The following RMND5A variants were observed in gnomAD, a reference collection of about 807,000 sequenced individuals.
RMND5A encodes the protein required for meiotic nuclear division 5 homolog A, also known as E3 ubiquitin-protein transferase RMND5A.
Under a neutral mutation model 49.7 loss-of-function variants are expected in RMND5A, and 17 were observed. The observed-to-expected ratio is 0.34, with a 90% CI of 0.23 to 0.51. The LOEUF is 0.51. Among genes scored for constraint, RMND5A ranks in the 20% least tolerant of loss-of-function variants. The pLI is 0.96. For missense variants in RMND5A, 255 were observed against 471.3 expected, an observed-to-expected ratio of 0.54 and a Z score of 4.25; for synonymous variants, 156 against 167.7, an observed-to-expected ratio of 0.93 and a Z score of 0.54.
At chr2:86,747,955 T>C (rs760772505) in intron 2 of RMND5A, among the ~76,000 whole-genome samples, 1 of 152,238 alleles carries the variant, frequency 6.6e-6, no homozygotes, top group Non-Finnish European at 1.5e-5. Flanking sequence ...CACCCTTGGA[T>C]GTGTGCTTTT....
chr2:86,725,212 C>T (rs982319485), intron 1 of RMND5A, among the ~76,000 whole-genome samples: 1 of 130,480 alleles, frequency 7.7e-6, no homozygotes, highest in Non-Finnish European at 1.6e-5. Context: ...TTTAGTAAGT[C>T]ATACATTCAA....
Position 86,765,188 on chromosome 2 carries a change from A to T in RMND5A, c.683A>T (p.Gln228Leu). 1 of 1,596,466 alleles carries T rather than the reference A, an allele frequency of 6.3e-7. No individual in the cohort carries two copies. Among genetic ancestry groups the T allele is most frequent in the Non-Finnish European group, 8.5e-7 (1 of 1,174,764 alleles). ...TTTCAGCCATTTGCCCTAAATCATC[A>T]AAAAGGTGAGTCTAGAGTCAGATGT... Reference protein sequence around the residue: ...KNFQPFALNHQKDIQVLMGSL... With the variant: ...KNFQPFALNHLKDIQVLMGSL... Residue 228 changes from glutamine (Q) to leucine (L), a missense_variant, in exon 5 of 9, where the codon CAA becomes CTA. Around this residue, in one of 3 missense-constraint regions of RMND5A, gnomAD observed 208 missense variants for 339.8 expected, o/e 0.61. Coordinates refer to ENST00000283632, the MANE Select transcript of RMND5A (RefSeq NM_022780.4).
At chr2:86,755,128 T>TC (rs1322290571) in intron 4 of RMND5A, among the ~76,000 whole-genome samples, 72 of 151,038 alleles carry the variant, frequency 4.8e-4, no homozygotes, top group African/African-American at 1.3e-3. Flanking sequence ...TTTTTTTTTT[T>TC]CCCAAAGAGA....
At chr2:86,725,316 A>C (rs1681272657) in intron 1 of RMND5A, among the ~76,000 whole-genome samples, 1 of 148,610 alleles carries the variant, frequency 6.7e-6, no homozygotes, top group Admixed American at 6.7e-5. Flanking sequence ...CCCATTGAAA[A>C]ATCTTTCTAC....
intron 4 of RMND5A, among the ~76,000 whole-genome samples, chr2:86,758,632 C>T (rs1681789371): frequency 6.6e-6 from 1 of 152,108 alleles, no homozygotes; most frequent in Admixed American, 6.6e-5. Flanking sequence ...TAAATAGAGT[C>T]AGATATGCAA....
chr2:86,729,010 T>G (rs1421160437), intron 1 of RMND5A, among the ~76,000 whole-genome samples: 6 of 152,086 alleles, frequency 3.9e-5, no homozygotes, highest in Non-Finnish European at 8.8e-5. Flanking sequence ...CGCCTTGGCC[T>G]CCCAAAGTGC....
chr2:86,746,712 T>C (rs1316926190), intron 2 of RMND5A, among the ~76,000 whole-genome samples: 1 of 152,194 alleles, frequency 6.6e-6, no homozygotes, highest in Middle Eastern at 3.2e-3. Flanking sequence ...GAGATACATA[T>C]CATCCTTGGA....
rs1271010033 is a variant in RMND5A, at chr2:86,775,994, A to G, written c.*2583A>G. ...TACAAAAGATAATATGATAGAGGCAACGTTTATAACAGTCACATTTAATTA... is the reference window on the plus strand; with the variant it reads ...TACAAAAGATAATATGATAGAGGCAGCGTTTATAACAGTCACATTTAATTA... On this transcript the variant is annotated 3_prime_UTR_variant, in exon 9 of 9. Coordinates refer to ENST00000283632, the MANE Select transcript of RMND5A (RefSeq NM_022780.4). The G allele has an allele frequency of 5.3e-5, 8 of 152,246 alleles. No homozygotes were observed. The highest frequency in any genetic ancestry group is 8.8e-5 in the Non-Finnish European group (6 of 68,040). The allele number at this position is 152,246 out of a possible 1,614,324, so 9.4% of individuals were successfully genotyped here.
intron 4 of RMND5A, among the ~76,000 whole-genome samples, chr2:86,755,484 T>A (rs1249112751): frequency 2.0e-5 from 3 of 152,234 alleles, no homozygotes; most frequent in Non-Finnish European, 4.4e-5. Context: ...GATTAGCAAA[T>A]AATATTTGGG....
At chr2:86,765,273 C>G in intron 5 of RMND5A, 80 bp downstream of exon 5, 12 of 1,208,294 alleles carry the variant, frequency 9.9e-6, no homozygotes, top group Non-Finnish European at 1.4e-5. Context: ...TTAACTAGAG[C>G]TAATACCTGT....
intron 4 of RMND5A, among the ~76,000 whole-genome samples, chr2:86,760,836 G>A (rs760858734): frequency 3.9e-5 from 6 of 152,150 alleles, no homozygotes; most frequent in Non-Finnish European, 7.3e-5. Context: ...AAGCATATTG[G>A]AAAAGTCCTG....
intron 4 of RMND5A, among the ~76,000 whole-genome samples, chr2:86,755,029 C>G (rs1681706953): frequency 6.6e-6 from 1 of 152,016 alleles, no homozygotes; most frequent in Non-Finnish European, 1.5e-5. Context: ...TTTGTTTAAG[C>G]AAATTTCAGA....
chr2:86,759,646 C>T (rs1015030897), intron 4 of RMND5A, among the ~76,000 whole-genome samples: 1 of 118,364 alleles, frequency 8.4e-6, no homozygotes, highest in African/African-American at 2.7e-5. Context: ...ACTAAAAATA[C>T]AAAATTTGCC....
intron 6 of RMND5A, 58 bp downstream of exon 6, chr2:86,766,082 A>G (rs1025945356): frequency 1.4e-6 from 2 of 1,437,514 alleles, no homozygotes; most frequent in Non-Finnish European, 1.9e-6. Flanking sequence ...ACCTTCCCTT[A>G]ACTTGTTTGG....
chr2:86,743,165 A>G (rs1573432746), intron 2 of RMND5A, among the ~76,000 whole-genome samples: 1 of 152,138 alleles, frequency 6.6e-6, no homozygotes, highest in East Asian at 1.9e-4. Context: ...GGGTTGTCAG[A>G]TATTTTGACT....
At position 86,770,211 on chromosome 2, in the gene RMND5A, A is replaced by G. The variant is rs920012905; in HGVS notation, c.957+86A>G. 5 of 971,616 alleles carry G rather than the reference A, an allele frequency of 5.1e-6. No individual in the cohort carries two copies. The African/African-American group carries it at 8.1e-5, about 16-fold the overall frequency. 60.2% of individuals were successfully genotyped at this position (971,616 alleles called of 1,614,324 possible). Reference sequence around the variant, plus strand: ...TAAATGTTCATCTTACCTTTTAACCAGGAAACATTGTAGCCATTTGACAGG... The same window carrying G: ...TAAATGTTCATCTTACCTTTTAACCGGGAAACATTGTAGCCATTTGACAGG... On this transcript the variant is annotated intron_variant, in intron 7 of 8. Coordinates refer to ENST00000283632, the MANE Select transcript of RMND5A (RefSeq NM_022780.4).
In RMND5A at chr2:86,776,359, G is replaced by T. The variant is rs959524580; in HGVS notation, c.*2948G>T. On this transcript the variant is annotated 3_prime_UTR_variant, in exon 9 of 9. Transcript: ENST00000283632. ...AAAAGAGCCACCTCATATTCATAGG[G>T]TGTGTATTTTTTGAGTGTGAGCATT... 6.6e-6 allele frequency: 1 copy of T among 152,154 alleles called. No homozygotes were observed. Among genetic ancestry groups the T allele is most frequent in the African/African-American group, 2.4e-5 (1 of 41,426 alleles). 9.4% of individuals were successfully genotyped at this position (152,154 alleles called of 1,614,324 possible). A position where few individuals can be genotyped will look rare whatever the true frequency, so the allele number is the denominator to read the frequency against.
Position 86,726,563 on chromosome 2 carries a change from A to G in RMND5A, c.142+5754A>G. 2.6e-5 allele frequency among the ~76,000 whole-genome samples: 2 copies of G among 76,114 alleles called. 1 individual carries two copies. Among genetic ancestry groups the G allele is most frequent in the Non-Finnish European group, 5.3e-5 (2 of 37,822 alleles). 49.9% of individuals were successfully genotyped at this position (76,114 alleles called of 152,430 possible). ...GACATTGTTCAAACATTCTAAGAGA[A>G]GAACAGACTGGTTCTCAAGTTATTT... On this transcript the variant is annotated intron_variant, in intron 1 of 8. Coordinates refer to ENST00000283632, the MANE Select transcript of RMND5A (RefSeq NM_022780.4).
intron 1 of RMND5A, among the ~76,000 whole-genome samples, chr2:86,728,872 G>GT (rs1553425572): frequency 1.4e-5 from 2 of 147,626 alleles, no homozygotes; most frequent in East Asian, 2.0e-4. Context: ...CCCTGCCTCA[G>GT]CCCCCGAGTA....
Sources: gnomAD v4.1 joint callset for allele counts (sites outside exome capture counted in the v4.1 genomes callset) on GRCh38, gnomAD v4.1.1 for gene constraint, gnomAD v4.1.1 regional missense constraint, MANE v1.5 for transcripts, NCBI Gene and HGNC (gene_info 2026-07-23, HGNC 2026-07-21) for gene names.